ASH1L: variants seen among roughly 807,000 people sequenced by gnomAD.
ASH1L encodes the protein histone-lysine N-methyltransferase ASH1L.
ASH1L carries 23 observed loss-of-function variants against 269.0 expected under a neutral mutation model. The observed-to-expected ratio is 0.09, with a 90% CI of 0.06 to 0.12. ASH1L has a LOEUF of 0.12. Ranked by LOEUF, ASH1L falls within the 10% of genes least tolerant of loss-of-function variation. The pLI, the probability that ASH1L is intolerant of heterozygous loss-of-function variation, is 1.00. For synonymous variants in ASH1L, 1,187 were observed against 1,253.5 expected (o/e 0.95, Z 1.12); for missense variants, 2,912 against 3,567.8 (o/e 0.82, Z 4.68).
intron 3 of ASH1L, among the ~76,000 whole-genome samples, chr1:155,466,289 G>A (rs1478781904): frequency 2.6e-5 from 4 of 152,170 alleles, no homozygotes; most frequent in Non-Finnish European, 5.9e-5. Flanking sequence ...GGGAGGCAGA[G>A]CTTGCAGTAA....
chr1:155,367,512 G>A (rs866726729), intron 12 of ASH1L, among the ~76,000 whole-genome samples: 1 of 151,232 alleles, frequency 6.6e-6, no homozygotes, highest in Non-Finnish European at 1.5e-5. Context: ...TTTTCTTATT[G>A]TATTGGTTAG....
intron 5 of ASH1L, among the ~76,000 whole-genome samples, chr1:155,428,256 T>C (rs1332694574): frequency 6.6e-6 from 1 of 151,824 alleles, no homozygotes; most frequent in Non-Finnish European, 1.5e-5. Flanking sequence ...CTGACCAACA[T>C]GGTGAAACCC....
At chr1:155,386,304 G>A (rs1657422696) in intron 7 of ASH1L, among the ~76,000 whole-genome samples, 1 of 152,008 alleles carries the variant, frequency 6.6e-6, no homozygotes, top group South Asian at 2.1e-4. Flanking sequence ...CTGACCTCAG[G>A]TGATCTGCCT....
chr1:155,511,993 G>A (rs975982441), intron 2 of ASH1L, among the ~76,000 whole-genome samples: 3 of 151,736 alleles, frequency 2.0e-5, no homozygotes, highest in Non-Finnish European at 2.9e-5. Flanking sequence ...TGTATTTTTA[G>A]TAGAGACAGG....
At chr1:155,420,373 A>AAC (rs1553254486) in intron 5 of ASH1L, among the ~76,000 whole-genome samples, 165 of 151,114 alleles carry the variant, frequency 1.1e-3, no homozygotes, top group African/African-American at 3.8e-3. Flanking sequence ...CAAAAAAAAA[A>AAC]AAAAACAAAA....
At chr1:155,352,904 T>C in intron 16 of ASH1L, 46 bp from the exon 17 acceptor site, 1 of 1,510,348 alleles carries the variant, frequency 6.6e-7, no homozygotes, top group Non-Finnish European at 9.0e-7. Context: ...CAAGGAGCTC[T>C]ACATGTCTTT....
intron 2 of ASH1L, 101 bp from the exon 3 acceptor site, chr1:155,482,550 A>C: frequency 4.9e-6 from 6 of 1,233,418 alleles, no homozygotes; most frequent in Non-Finnish European, 6.8e-6. Flanking sequence ...TATCAGATAA[A>C]CAATAGGCAA....
chr1:155,411,588 T>TATATATATATAA (rs1553253338), intron 6 of ASH1L, among the ~76,000 whole-genome samples: 2 of 31,478 alleles, frequency 6.4e-5, no homozygotes, highest in Admixed American at 3.1e-4. Flanking sequence ...AATAAATAAA[T>TATATATATATAA]ATATATATAT....
In ASH1L at chr1:155,349,550, T is replaced by C. The variant is rs573301207; in HGVS notation, c.7413A>G (p.Pro2471=). 2.5e-5 allele frequency: 40 copies of C among 1,614,028 alleles called. 1 individual carries two copies. The South Asian group carries it at 4.3e-4, about 17-fold the overall frequency. ...CACAAATGTGAACCTACTTTTTCTTTGGGGGAAGGTTCAAAAGTGGAGCTG... is the reference window on the plus strand; with the variant it reads ...CACAAATGTGAACCTACTTTTTCTTCGGGGGAAGGTTCAAAAGTGGAGCTG... ...ALAAPLLNLP[P]KKKNADYYEK... is the part of the protein sequence containing the mutation. The change falls in exon 18 of 28, where the codon CCA becomes CCG. Residue 2471 remains proline, a synonymous_variant. Coordinates refer to ENST00000392403, the MANE Select transcript of ASH1L (RefSeq NM_018489.3).
intron 4 of ASH1L, among the ~76,000 whole-genome samples, chr1:155,454,894 G>A (rs2148662937): frequency 6.6e-6 from 1 of 152,026 alleles, no homozygotes; most frequent in East Asian, 1.9e-4. Flanking sequence ...TAGTCTTTTG[G>A]CTTAAAATAG....
chr1:155,479,665 T>C lies in ASH1L; in HGVS notation c.3205A>G (p.Ser1069Gly). Residue 1069 changes from serine (S) to glycine (G), a missense_variant, in exon 3 of 28, where the codon AGC becomes GGC. This residue lies in a region of ASH1L where 157 missense variants were observed against 154.6 expected (regional missense o/e 1.02). Transcript: ENST00000392403. ...GCTGTTTGCTCAAGAACAGCAAGGC[T>C]AGTAGGACTACCAGAAAGAATACCA... ...LNGILSGSPT[S>G]LAVLEQTAQQ... 1 of 1,614,224 alleles carries C rather than the reference T, an allele frequency of 6.2e-7. No homozygotes were observed. The highest frequency in any genetic ancestry group is 1.1e-5 in the South Asian group (1 of 91,088).
chr1:155,348,220 T>C (rs1226925419), intron 19 of ASH1L, among the ~76,000 whole-genome samples: 1 of 152,186 alleles, frequency 6.6e-6, no homozygotes, highest in East Asian at 1.9e-4. Context: ...CATAATGTAC[T>C]GTAGAAGTTC....
chr1:155,555,175 T>A (rs1671501357), intron 1 of ASH1L, among the ~76,000 whole-genome samples: 1 of 146,256 alleles, frequency 6.8e-6, no homozygotes, highest in East Asian at 2.1e-4. Context: ...AAGTCTGACC[T>A]ACAGTTATTT....
At chr1:155,472,309 T>A (rs1168294261) in intron 3 of ASH1L, among the ~76,000 whole-genome samples, 1 of 151,996 alleles carries the variant, frequency 6.6e-6, no homozygotes, top group Non-Finnish European at 1.5e-5. Context: ...AAGAAGGAAA[T>A]TTTTAAAAAG....
Position 155,528,973 on chromosome 1 carries a change from T to C in ASH1L, c.-99-7355A>G, listed in dbSNP as rs142495483. Among the ~76,000 whole-genome samples, 264 of 152,260 alleles carry C rather than the reference T, an allele frequency of 1.7e-3. 1 individual carries two copies. Among genetic ancestry groups the C allele is most frequent in the African/African-American group, 6.1e-3 (253 of 41,558 alleles). On this transcript the variant is annotated intron_variant, in intron 1 of 27. Coordinates refer to ENST00000392403, the MANE Select transcript of ASH1L (RefSeq NM_018489.3). ...AGTATTTGATTTTCTGTTCCTGCAC[T>C]AGTTTGCCAAAGATAATGGCCTCCA...
intron 6 of ASH1L, among the ~76,000 whole-genome samples, chr1:155,406,135 C>A (rs887391614): frequency 7.0e-6 from 1 of 143,502 alleles, no homozygotes; most frequent in Middle Eastern, 3.4e-3. Flanking sequence ...ACCCAGGGGG[C>A]GAAGGTTGCA....
intron 26 of ASH1L, 44 bp downstream of exon 26, chr1:155,339,284 T>G: frequency 6.3e-7 from 1 of 1,580,554 alleles, no homozygotes; most frequent in Non-Finnish European, 8.7e-7. Context: ...ATTCAAGCTC[T>G]TAGTCAATCC....
chr1:155,349,012 C>G (rs1653637671), intron 19 of ASH1L, among the ~76,000 whole-genome samples: 1 of 149,900 alleles, frequency 6.7e-6, no homozygotes, highest in South Asian at 2.1e-4. Flanking sequence ...AGGAAAGAAA[C>G]TACAGATATT....
chr1:155,410,391 C>T (rs1002192238), intron 6 of ASH1L, among the ~76,000 whole-genome samples: 4 of 152,120 alleles, frequency 2.6e-5, no homozygotes, highest in African/African-American at 9.7e-5. Flanking sequence ...GCAACCTCTG[C>T]CTCCGGAGGT....
Sources: gnomAD v4.1 joint callset for allele counts (sites outside exome capture counted in the v4.1 genomes callset) on GRCh38, gnomAD v4.1.1 for gene constraint, gnomAD v4.1.1 regional missense constraint, MANE v1.5 for transcripts, NCBI Gene and HGNC (gene_info 2026-07-23, HGNC 2026-07-21) for gene names.